CPZ: variants seen among roughly 807,000 people sequenced by gnomAD.
CPZ encodes carboxypeptidase Z, also known as VEZT/CPZ fusion.
CPZ carries 103 observed loss-of-function variants against 61.8 expected under a neutral mutation model. The observed-to-expected ratio is 1.67, with a 90% confidence interval of 1.42 to 1.96. The LOEUF is 1.96. CPZ is among the 30% of genes most tolerant of loss of function. The pLI is 0.00. For missense variants in CPZ, 1,461 were observed against 914.9 expected, an observed-to-expected ratio of 1.60 and a Z score of -7.70; for synonymous variants, 551 against 373.7, an observed-to-expected ratio of 1.47 and a Z score of -5.47.
At chr4:8,610,892 AC>A (rs1167594053) in intron 7 of CPZ, among the ~76,000 whole-genome samples, 1 of 152,104 alleles carries the variant, frequency 6.6e-6, no homozygotes, top group African/African-American at 2.4e-5. Flanking sequence ...TTCCTCACCA[AC>A]CCCAAACCTC....
chr4:8,607,378 A>C lies in CPZ; in HGVS notation c.1180A>C (p.Lys394Gln), dbSNP rs1015905646. 1.2e-6 allele frequency: 2 copies of C among 1,614,012 alleles called. No homozygotes were observed. The highest frequency in any genetic ancestry group is 1.7e-6 in the Non-Finnish European group (2 of 1,179,946). The change falls in exon 7 of 11, where the codon AAG (lysine) becomes CAG (glutamine). Residue 394 changes from lysine to glutamine, a missense_variant. Lys to Gln is a moderately conservative substitution (Grantham distance 53, BLOSUM62 1). Coordinates refer to ENST00000360986, the MANE Select transcript of CPZ (RefSeq NM_001014447.3). ...LVVSYPFDFSKHPQEEKMFSP... is the reference protein window; with the variant it reads ...LVVSYPFDFSQHPQEEKMFSP... ...GGTGTCCTACCCCTTCGACTTCTCCAAGCACCCCCAGGAGGAGAAGATGTT... is the reference window on the plus strand; with the variant it reads ...GGTGTCCTACCCCTTCGACTTCTCCCAGCACCCCCAGGAGGAGAAGATGTT...
At chr4:8,606,974 T>C (rs1464143314) in intron 6 of CPZ, 76 bp downstream of exon 6, 2 of 1,488,922 alleles carry the variant, frequency 1.3e-6, no homozygotes, top group African/African-American at 2.8e-5. Context: ...CTCTCTGGAG[T>C]TGTCCTTCCC....
intron 1 of CPZ, among the ~76,000 whole-genome samples, chr4:8,593,762 A>G (rs1396789475): frequency 6.6e-6 from 1 of 152,166 alleles, no homozygotes; most frequent in Admixed American, 6.5e-5. Flanking sequence ...TGGATGTGCC[A>G]GGACCACAAT....
chr4:8,598,613 T>C (rs897209627), intron 1 of CPZ, among the ~76,000 whole-genome samples: 2 of 152,242 alleles, frequency 1.3e-5, no homozygotes, highest in African/African-American at 4.8e-5. Context: ...TCTGGCCAGG[T>C]GGGCTCCGGC....
intron 1 of CPZ, among the ~76,000 whole-genome samples, chr4:8,596,074 G>A (rs1342926138): frequency 8.2e-6 from 1 of 121,276 alleles, no homozygotes; most frequent in African/African-American, 3.7e-5. Context: ...TTTTTTTCAA[G>A]ATAGAGTCTC....
At chr4:8,618,616 T>G in intron 10 of CPZ, 88 bp downstream of exon 10, 1 of 1,253,040 alleles carries the variant, frequency 8.0e-7, no homozygotes, top group African/African-American at 1.5e-5. Context: ...GCACTCACAG[T>G]GTGCCCAGCC....
intron 1 of CPZ, among the ~76,000 whole-genome samples, chr4:8,593,354 CT>C (rs1713940506): frequency 6.6e-6 from 1 of 152,208 alleles, no homozygotes; most frequent in Non-Finnish European, 1.5e-5. Flanking sequence ...TCCCTCCCAG[CT>C]GGGGCTGTGA....
At chr4:8,613,623 A>G (rs990294868) in intron 8 of CPZ, among the ~76,000 whole-genome samples, 1 of 152,204 alleles carries the variant, frequency 6.6e-6, no homozygotes, top group Admixed American at 6.5e-5. Context: ...CGACACAGCC[A>G]GCCCTGTGGG....
In CPZ at chr4:8,619,365, C is replaced by T; in HGVS notation, c.1707C>T (p.Ala569=). The change falls in exon 11 of 11, where the codon GCC becomes GCT. Residue 569 remains alanine (A), a synonymous_variant. Transcript: ENST00000360986. The stretch of plus-strand genomic sequence containing the variant: ...TCATCAAGAAAGTCATCATCCCCGC[C>T]CGGATGAAGAGGGCTGGCCGTGTGG... ...AKVIKKVIIP[A]RMKRAGRVDF... 1 of 1,614,222 alleles carries T rather than the reference C, an allele frequency of 6.2e-7. No individual in the cohort carries two copies. The highest frequency in any genetic ancestry group is 8.5e-7 in the Non-Finnish European group (1 of 1,180,032).
intron 9 of CPZ, among the ~76,000 whole-genome samples, chr4:8,617,448 G>T (rs957529503): frequency 6.6e-6 from 1 of 152,208 alleles, no homozygotes; most frequent in Non-Finnish European, 1.5e-5. Flanking sequence ...CAGGCTCTTT[G>T]CTTCTGTGGA....
At chr4:8,593,576 T>C (rs1177503591) in intron 1 of CPZ, among the ~76,000 whole-genome samples, 1 of 152,274 alleles carries the variant, frequency 6.6e-6, no homozygotes, top group Non-Finnish European at 1.5e-5. Flanking sequence ...CCTCACGGCC[T>C]CTCCAGGTGT....
intron 1 of CPZ, among the ~76,000 whole-genome samples, chr4:8,593,661 G>A (rs571512886): frequency 9.2e-4 from 140 of 151,466 alleles, no homozygotes; most frequent in African/African-American, 3.0e-3. Context: ...GAGTGGGGCC[G>A]TGTGTGGGTT....
chr4:8,609,123 CTCATTCACTCATTTACTCAT>C (rs1277861619), intron 7 of CPZ, among the ~76,000 whole-genome samples: 2 of 48,668 alleles, frequency 4.1e-5, no homozygotes, highest in Admixed American at 5.1e-4. Flanking sequence ...CACTCCCTCA[CTCATTCACTCATTTACTCAT>C]TCACCCACTC....
In CPZ at chr4:8,609,791, C is replaced by G. The variant is rs560140215; in HGVS notation, c.1228-2236C>G. Among the ~76,000 whole-genome samples, 6 of 152,246 alleles carry G rather than the reference C, an allele frequency of 3.9e-5. No individual in the cohort carries two copies. In the East Asian group the frequency reaches 9.6e-4, roughly 24 times the overall value. ...ACACTGTTTCCAAGCCATCAATCATCGGGCAGTGATCATGCAGCCCTGTGG... is the reference window on the plus strand; with the variant it reads ...ACACTGTTTCCAAGCCATCAATCATGGGGCAGTGATCATGCAGCCCTGTGG... On this transcript the variant is annotated intron_variant, in intron 7 of 10. Transcript: ENST00000360986.
chr4:8,593,052 C>T (rs1421832394), intron 1 of CPZ, 131 bp downstream of exon 1: 4 of 692,924 alleles, frequency 5.8e-6, no homozygotes, highest in African/African-American at 1.9e-5. Context: ...GCGAGAACGT[C>T]TCCAAAGTGG....
At chr4:8,599,339 G>GGAGCTGT in intron 1 of CPZ, 114 bp from the exon 2 acceptor site, 1 of 1,234,530 alleles carries the variant, frequency 8.1e-7, no homozygotes, top group Non-Finnish European at 1.1e-6. Flanking sequence ...GATGGAGCTG[G>GGAGCTGT]CGGAGGGTGG....
At chr4:8,612,267 G>C (rs1715776694) in intron 8 of CPZ, 105 bp downstream of exon 8, 1 of 1,012,634 alleles carries the variant, frequency 9.9e-7, no homozygotes, top group African/African-American at 1.8e-5. Flanking sequence ...GATCCAGCTG[G>C]AGAGCCCGGA....
intron 7 of CPZ, among the ~76,000 whole-genome samples, chr4:8,609,468 T>G (rs1490847060): frequency 2.9e-5 from 4 of 136,828 alleles, no homozygotes; most frequent in African/African-American, 1.5e-4. Context: ...ACACCAAGGG[T>G]GCGAGGGGTG....
At chr4:8,609,202 A>ATTCACTTACTCATTCACTCC (rs1313324675) in intron 7 of CPZ, among the ~76,000 whole-genome samples, 2 of 95,386 alleles carry the variant, frequency 2.1e-5, no homozygotes, top group African/African-American at 6.7e-5. Flanking sequence ...TCACTCCCTC[A>ATTCACTTACTCATTCACTCC]CTCACTTACT....
Sources: gnomAD v4.1 joint callset for allele counts (sites outside exome capture counted in the v4.1 genomes callset) on GRCh38, gnomAD v4.1.1 for gene constraint, MANE v1.5 for transcripts, NCBI Gene and HGNC (gene_info 2026-07-23, HGNC 2026-07-21) for gene names.